The following CYRIB variants were observed in gnomAD, a reference collection of about 807,000 sequenced individuals.
CYRIB encodes the protein CYFIP related Rac1 interactor B.
In CYRIB, 8 loss-of-function variants were observed where a neutral mutation model predicts 44.2. The ratio of observed to expected loss-of-function variants is 0.18; its 90% CI spans 0.11 to 0.33. The LOEUF (loss-of-function observed/expected upper bound fraction) is 0.33. Among genes scored for constraint, CYRIB ranks in the 10% least tolerant of loss-of-function variants. The pLI is 1.00. For synonymous variants in CYRIB, 131 were observed against 127.2 expected, an observed-to-expected ratio of 1.03 and a Z score of -0.20; for missense variants, 185 against 382.8, an observed-to-expected ratio of 0.48 and a Z score of 4.31.
At chr8:129,916,348 C>T (rs1041878320) in intron 1 of CYRIB, among the ~76,000 whole-genome samples, 1 of 152,034 alleles carries the variant, frequency 6.6e-6, no homozygotes, top group Non-Finnish European at 1.5e-5. Flanking sequence ...ACACAAATAC[C>T]TGAGTACCTA....
chr8:130,012,572 C>T (rs765592751), intron 1 of CYRIB, among the ~76,000 whole-genome samples: 17 of 152,152 alleles, frequency 1.1e-4, no homozygotes, highest in Non-Finnish European at 2.2e-4. Context: ...TTCCATACAA[C>T]CTCTGGGTTG....
At chr8:129,943,402 A>G (rs1258767770), upstream of CYRIB, among the ~76,000 whole-genome samples, 3 of 151,144 alleles carry the variant, frequency 2.0e-5, no homozygotes, top group Non-Finnish European at 4.4e-5. Flanking sequence ...CCTAACTAAC[A>G]TGGTGAAACC....
In CYRIB at chr8:129,924,303, G is replaced by GGT. The variant is rs1564003130; in HGVS notation, c.-50+15304_-50+15305insAC. ...AAAAAAAAAAAACCGGGGGGGGGGG[G>GGT]GGTGGCGGGGGGGGTGTTACTTACC... On this transcript the variant is annotated intron_variant, in intron 1 of 11. Coordinates refer to ENST00000519824, the Ensembl canonical transcript of CYRIB. Among the ~76,000 whole-genome samples the GGT allele has an allele frequency of 2.1e-3, 129 of 62,814 alleles. 18 individuals are homozygous for GGT. In the East Asian group the frequency reaches 0.041, roughly 20 times the overall value. The allele number at this position is 62,814 out of a possible 152,430, so 41.2% of individuals were successfully genotyped here.
upstream of CYRIB, among the ~76,000 whole-genome samples, chr8:129,943,799 C>T (rs1351472570): frequency 6.7e-6 from 1 of 150,152 alleles, no homozygotes; most frequent in Non-Finnish European, 1.5e-5. Flanking sequence ...CGGGGTTTCA[C>T]CGTGTTAGCC....
chr8:129,916,301 C>T (rs554246458), intron 1 of CYRIB, among the ~76,000 whole-genome samples: 1 of 152,100 alleles, frequency 6.6e-6, no homozygotes, highest in South Asian at 2.1e-4. Context: ...AAATGGTTAA[C>T]CTACTTCTGT....
chr8:129,849,496 A>G (rs2042130014), intron 9 of CYRIB, 127 bp from the exon 12 acceptor site: 2 of 905,062 alleles, frequency 2.2e-6, no homozygotes, highest in African/African-American at 3.4e-5. Context: ...TGAATGCAGT[A>G]TGTTCACAAG....
chr8:129,950,645 A>G (rs2094457409), intron 2 of CYRIB, among the ~76,000 whole-genome samples: 1 of 152,118 alleles, frequency 6.6e-6, no homozygotes, highest in African/African-American at 2.4e-5. Context: ...TACTTAGCAC[A>G]GGGCACAGAA....
At chr8:130,014,239 G>A (rs555585953) in intron 1 of CYRIB, among the ~76,000 whole-genome samples, 3 of 152,232 alleles carry the variant, frequency 2.0e-5, no homozygotes, top group East Asian at 3.9e-4. Context: ...CCAGGAGTTC[G>A]GGCAACATGG....
chr8:129,899,361 A>T (rs1224820800), intron 2 of CYRIB, among the ~76,000 whole-genome samples: 2 of 152,188 alleles, frequency 1.3e-5, no homozygotes, highest in Non-Finnish European at 2.9e-5. Flanking sequence ...GATTTATATA[A>T]AATAGGAAGA....
chr8:129,901,639 G>A (rs2072058608), intron 2 of CYRIB: 1 of 152,044 alleles, frequency 6.6e-6, no homozygotes, highest in Non-Finnish European at 1.5e-5. Context: ...GAGAATTCAG[G>A]GATCTGTGAA....
chr8:129,881,257 G>A (rs1332064081), intron 2 of CYRIB, among the ~76,000 whole-genome samples: 1 of 152,186 alleles, frequency 6.6e-6, no homozygotes, highest in Admixed American at 6.5e-5. Flanking sequence ...CTGGAAGGTA[G>A]AGTAACAAAA....
intron 2 of CYRIB, among the ~76,000 whole-genome samples, chr8:129,951,404 A>T (rs1043493147): frequency 6.6e-6 from 1 of 152,106 alleles, no homozygotes; most frequent in African/African-American, 2.4e-5. Context: ...ACAACTGAGG[A>T]CATAAGAAAA....
chr8:129,889,476 A>C (rs1452896382), intron 2 of CYRIB, among the ~76,000 whole-genome samples: 2 of 152,178 alleles, frequency 1.3e-5, no homozygotes, highest in Non-Finnish European at 2.9e-5. Context: ...CTTCTGATGG[A>C]TCTGAGAAAG....
At chr8:129,953,944 C>T (rs1377093467) in intron 2 of CYRIB, among the ~76,000 whole-genome samples, 1 of 152,108 alleles carries the variant, frequency 6.6e-6, no homozygotes, top group Non-Finnish European at 1.5e-5. Context: ...TTCTCACAGT[C>T]ACTTTTTGAG....
chr8:129,996,859 A>C (rs777703167), intron 1 of CYRIB, among the ~76,000 whole-genome samples: 80 of 152,118 alleles, frequency 5.3e-4, no homozygotes, highest in Non-Finnish European at 1.1e-3. Flanking sequence ...TAAAAGAAAG[A>C]AAAGGATTCC....
At chr8:129,935,409 G>A (rs2663619) in intron 1 of CYRIB, among the ~76,000 whole-genome samples, 58,691 of 152,008 alleles carry the variant, frequency 0.39, 12,284 homozygotes, top group East Asian at 0.55. Flanking sequence ...ATCACCAAGC[G>A]TTAGATTCTC....
chr8:129,957,269 C>T (rs959460101), intron 2 of CYRIB, among the ~76,000 whole-genome samples: 2 of 152,134 alleles, frequency 1.3e-5, no homozygotes, highest in Non-Finnish European at 2.9e-5. Context: ...TAAATCAGCA[C>T]CCAAAGATGA....
At chr8:129,892,491 G>A (rs1226467026) in intron 2 of CYRIB, among the ~76,000 whole-genome samples, 1 of 150,058 alleles carries the variant, frequency 6.7e-6, no homozygotes, top group Non-Finnish European at 1.5e-5. Context: ...TTTTTTTTGT[G>A]GAGTAGCATT....
intron 1 of CYRIB, among the ~76,000 whole-genome samples, chr8:129,915,059 T>G (rs907135365): frequency 3.3e-5 from 5 of 152,180 alleles, no homozygotes; most frequent in Admixed American, 3.3e-4. Flanking sequence ...ACAGTGCAAA[T>G]GAATTCCTAT....
Sources: allele counts gnomAD v4.1 joint callset (sites outside exome capture counted in the v4.1 genomes callset), GRCh38; gene constraint gnomAD v4.1.1; transcripts MANE v1.5; gene names NCBI Gene and HGNC (gene_info 2026-07-23, HGNC 2026-07-21).